NSRP1: variants seen among roughly 807,000 people sequenced by gnomAD.
The protein encoded by NSRP1 is nuclear speckle splicing regulatory protein 1.
NSRP1 carries 24 observed loss-of-function variants against 54.7 expected under a neutral mutation model. The ratio of observed to expected loss-of-function variants is 0.44; its 90% CI spans 0.32 to 0.62. The LOEUF (loss-of-function observed/expected upper bound fraction) is 0.62, where lower values mean the gene tolerates loss of function less well. Among genes scored for constraint, NSRP1 ranks in the 20% least tolerant of loss-of-function variants. NSRP1 has a pLI of 0.06. For synonymous variants in NSRP1, 210 were observed against 213.8 expected (o/e 0.98, Z 0.15); for missense variants, 596 against 651.2 (o/e 0.92, Z 0.92).
At chr17:30,173,413 G>A (rs548121636) in intron 3 of NSRP1, among the ~76,000 whole-genome samples, 10 of 152,134 alleles carry the variant, frequency 6.6e-5, no homozygotes, top group Admixed American at 2.0e-4. Context: ...ATTAATTATC[G>A]AACTAGGCCT....
At chr17:30,169,046 T>G (rs556286793) in intron 2 of NSRP1, 29 of 152,196 alleles carry the variant, frequency 1.9e-4, no homozygotes, top group African/African-American at 6.5e-4. Flanking sequence ...TAGTAACAGC[T>G]TGTTTTTTCA....
chr17:30,141,180 T>G (rs1026775565), intron 2 of NSRP1, among the ~76,000 whole-genome samples: 6 of 152,346 alleles, frequency 3.9e-5, no homozygotes, highest in Admixed American at 3.9e-4. Context: ...TACTTTTTTC[T>G]TTTATCTTTA....
At chr17:30,134,721 CTG>C (rs931234238) in intron 2 of NSRP1, among the ~76,000 whole-genome samples, 15 of 152,156 alleles carry the variant, frequency 9.9e-5, no homozygotes, top group African/African-American at 3.1e-4. Context: ...TGTACTCCCT[CTG>C]AGAGTTAGTT....
chr17:30,172,607 G>A lies in NSRP1; in HGVS notation c.171+9G>A, dbSNP rs1277052224. On this transcript the variant is annotated intron_variant, in intron 3 of 6. Coordinates refer to ENST00000247026, the MANE Select transcript of NSRP1 (RefSeq NM_032141.4). ...AGCAGGCCATGAAACAGGTAAGGTA[G>A]AAGACTGGGATAAGTGCATTCAGTG... 1 of 1,607,674 alleles carries A rather than the reference G, an allele frequency of 6.2e-7. No homozygotes were observed. The highest frequency in any genetic ancestry group is 8.5e-7 in the Non-Finnish European group (1 of 1,176,162).
At chr17:30,148,531 A>G (rs1409419546) in intron 2 of NSRP1, among the ~76,000 whole-genome samples, 1 of 152,226 alleles carries the variant, frequency 6.6e-6, no homozygotes, top group East Asian at 1.9e-4. Flanking sequence ...ACCAGTTTGG[A>G]TCAGGAAAAG....
chr17:30,173,576 C>G (rs1239500195), intron 3 of NSRP1, among the ~76,000 whole-genome samples: 1 of 152,106 alleles, frequency 6.6e-6, no homozygotes, highest in Admixed American at 6.5e-5. Context: ...GGTCCTATTT[C>G]CTCTTTGTCT....
chr17:30,175,390 G>C (rs1378300370), intron 3 of NSRP1, among the ~76,000 whole-genome samples: 1 of 151,700 alleles, frequency 6.6e-6, no homozygotes, highest in Non-Finnish European at 1.5e-5. Context: ...TTGGTTTTTT[G>C]CTTGTTTGTT....
intron 2 of NSRP1, chr17:30,126,026 T>C (rs1002923074): frequency 1.3e-5 from 2 of 152,226 alleles, no homozygotes; most frequent in African/African-American, 4.8e-5. Context: ...TTTTCCGGTC[T>C]CACTGTCACC....
intron 2 of NSRP1, among the ~76,000 whole-genome samples, chr17:30,164,533 A>G (rs968318063): frequency 8.5e-5 from 13 of 152,206 alleles, no homozygotes; most frequent in Non-Finnish European, 5.9e-5. Context: ...ATGGTGGCTT[A>G]TGCCTATAAT....
intron 2 of NSRP1, among the ~76,000 whole-genome samples, chr17:30,170,258 A>G (rs1330464579): frequency 6.6e-6 from 1 of 152,184 alleles, no homozygotes; most frequent in Non-Finnish European, 1.5e-5. Context: ...TAGATGGTAA[A>G]AAGTTTACTA....
chr17:30,146,427 C>G (rs994974839), intron 2 of NSRP1, among the ~76,000 whole-genome samples: 4 of 152,132 alleles, frequency 2.6e-5, no homozygotes, highest in African/African-American at 9.7e-5. Context: ...CAGGGTCTTG[C>G]TATCTTGCCC....
chr17:30,171,960 ACACACACACACACTCCCT>A (rs1163150124), intron 2 of NSRP1, among the ~76,000 whole-genome samples: 45 of 135,282 alleles, frequency 3.3e-4, no homozygotes, highest in African/African-American at 1.2e-3. Context: ...ACACACACAC[ACACACACACACACTCCCT>A]CTCTCTCTCT....
intron 2 of NSRP1, among the ~76,000 whole-genome samples, chr17:30,169,789 G>A (rs1019428176): frequency 1.3e-5 from 2 of 151,100 alleles, no homozygotes; most frequent in African/African-American, 4.9e-5. Context: ...TGACCTTTGT[G>A]TATTAAATTG....
At chr17:30,183,759 T>G (rs186501407) in intron 6 of NSRP1, among the ~76,000 whole-genome samples, 212 of 151,160 alleles carry the variant, frequency 1.4e-3, no homozygotes, top group African/African-American at 4.3e-3. Context: ...ATGGACAAAT[T>G]AATATATTTC....
intron 2 of NSRP1, among the ~76,000 whole-genome samples, chr17:30,157,373 A>G (rs1305033488): frequency 1.3e-5 from 2 of 152,160 alleles, no homozygotes; most frequent in African/African-American, 2.4e-5. Context: ...TGTTTGTTAC[A>G]TGCAAAGAAT....
At chr17:30,155,435 T>C (rs1415124214) in intron 2 of NSRP1, among the ~76,000 whole-genome samples, 1 of 152,222 alleles carries the variant, frequency 6.6e-6, no homozygotes, top group Non-Finnish European at 1.5e-5. Context: ...TTTCTCCAAT[T>C]CTAGAAAATT....
At chr17:30,171,213 A>T (rs1365830599) in intron 2 of NSRP1, among the ~76,000 whole-genome samples, 3 of 150,960 alleles carry the variant, frequency 2.0e-5, no homozygotes, top group South Asian at 2.1e-4. Context: ...GATTCCTCAT[A>T]TACATTTAGT....
At chr17:30,143,731 A>G (rs1167294482) in intron 2 of NSRP1, among the ~76,000 whole-genome samples, 1 of 152,196 alleles carries the variant, frequency 6.6e-6, no homozygotes, top group Non-Finnish European at 1.5e-5. Flanking sequence ...TAATTCTAGT[A>G]TATATGTTTT....
chr17:30,158,269 A>G (rs560005244), intron 2 of NSRP1, among the ~76,000 whole-genome samples: 19 of 149,628 alleles, frequency 1.3e-4, no homozygotes, highest in Non-Finnish European at 2.5e-4. Flanking sequence ...GTCTTTTGAG[A>G]AATGTCTATT....
Sources: gnomAD v4.1 joint callset for allele counts (sites outside exome capture counted in the v4.1 genomes callset) on GRCh38, gnomAD v4.1.1 for gene constraint, MANE v1.5 for transcripts, NCBI Gene and HGNC (gene_info 2026-07-23, HGNC 2026-07-21) for gene names.